P2RX7: variants seen among roughly 807,000 people sequenced by gnomAD.
The protein encoded by P2RX7 is P2X purinoceptor 7.
Under a neutral mutation model 71.6 loss-of-function variants are expected in P2RX7, and 62 were observed. The observed-to-expected ratio is 0.87, with a 90% CI of 0.71 to 1.07. The LOEUF (loss-of-function observed/expected upper bound fraction) is 1.07. P2RX7 is among the 50% of genes least tolerant of loss of function. The probability of loss-of-function intolerance (pLI) is 0.00; values close to 1 mark genes in which losing one functional copy is unlikely to be tolerated. For missense variants in P2RX7, 686 were observed against 748.5 expected (o/e 0.92, Z 0.97); for synonymous variants, 299 against 283.3 (o/e 1.06, Z -0.56).
intron 1 of P2RX7, among the ~76,000 whole-genome samples, chr12:121,144,242 G>T (rs1875650442): frequency 6.6e-6 from 1 of 152,212 alleles, no homozygotes; most frequent in South Asian, 2.1e-4. Context: ...CTGTCGCCCA[G>T]GCTGGAGTGC....
chr12:121,153,885 G>A (rs1878012910), intron 1 of P2RX7, among the ~76,000 whole-genome samples: 1 of 152,142 alleles, frequency 6.6e-6, no homozygotes, highest in Non-Finnish European at 1.5e-5. Flanking sequence ...GGCTCAACAT[G>A]TTGGCAGGAG....
chr12:121,162,172 AGAAAC>A, intron 4 of P2RX7: 1 of 1,205,538 alleles, frequency 8.3e-7, no homozygotes, highest in Non-Finnish European at 1.1e-6. Context: ...TTTCTTATAA[AGAAAC>A]AAAAGAGCCA....
chr12:121,157,815 G>C (rs1410884873), intron 3 of P2RX7, among the ~76,000 whole-genome samples: 1 of 152,200 alleles, frequency 6.6e-6, no homozygotes, highest in Non-Finnish European at 1.5e-5. Context: ...AAATGGGGCT[G>C]AGAACAAAAC....
intron 12 of P2RX7, among the ~76,000 whole-genome samples, chr12:121,182,636 A>G (rs1301003274): frequency 6.6e-6 from 1 of 152,248 alleles, no homozygotes; most frequent in African/African-American, 2.4e-5. Context: ...TGCATAGGGC[A>G]CTTACCATGA....
In P2RX7 at chr12:121,164,286, C is replaced by T. The variant is rs182330517; in HGVS notation, c.534-1071C>T. ...GGTTCGTTTAATCATTCATTCAACA[C>T]ATCCATCACCACGTAGTAGGTGTTA... is the stretch of plus-strand genomic sequence containing the variant. On this transcript the variant is annotated intron_variant, in intron 5 of 12. Transcript: ENST00000328963. 1.2e-4 allele frequency among the ~76,000 whole-genome samples: 19 copies of T among 152,348 alleles called. No homozygotes were observed. In the East Asian group the frequency reaches 1.5e-3, roughly 12 times the overall value.
Position 121,177,163 on chromosome 12 carries a change from T to G in P2RX7, c.989T>G (p.Ile330Ser). The change falls in exon 10 of 13, where the codon ATT (isoleucine) becomes AGT (serine). Residue 330 changes from isoleucine (I) to serine (S), a missense_variant. By Grantham distance (142) the Ile-to-Ser change is moderately radical. Coordinates refer to ENST00000328963, the MANE Select transcript of P2RX7 (RefSeq NM_002562.6). ...LVFGTGGKFDIIQLVVYIGST... is the reference protein window; with the variant it reads ...LVFGTGGKFDSIQLVVYIGST... ...TGTTTTTAGGGAGGAAAATTTGACA[T>G]TATCCAGCTGGTTGTGTACATCGGC... 1 of 1,614,208 alleles carries G rather than the reference T, an allele frequency of 6.2e-7. No individual in the cohort carries two copies. The highest frequency in any genetic ancestry group is 8.5e-7 in the Non-Finnish European group (1 of 1,180,024).
intron 3 of P2RX7, 84 bp downstream of exon 3, chr12:121,156,231 C>T (rs1878553508): frequency 4.5e-6 from 5 of 1,123,502 alleles, no homozygotes; most frequent in Non-Finnish European, 6.8e-6. Context: ...AATGCGGACC[C>T]TGGGGTGTAT....
intron 5 of P2RX7, among the ~76,000 whole-genome samples, chr12:121,165,004 G>C (rs1308820489): frequency 6.6e-6 from 1 of 152,070 alleles, no homozygotes; most frequent in African/African-American, 2.4e-5. Context: ...GATCTCGTGA[G>C]AACTCACTCA....
rs56222751 is a variant in P2RX7, at chr12:121,176,228, AACACACACACACAC to A, written c.972+779_972+792del. Among the ~76,000 whole-genome samples the A allele has an allele frequency of 2.6e-3, 362 of 140,842 alleles. 2 individuals carry two copies. The highest frequency in any genetic ancestry group is 8.8e-3 in the African/African-American group (333 of 37,726). 92.4% of individuals were successfully genotyped at this position (140,842 alleles called of 152,430 possible). On this transcript the variant is annotated intron_variant, in intron 9 of 12. Coordinates refer to ENST00000328963, the MANE Select transcript of P2RX7 (RefSeq NM_002562.6). ...GAGAGGCCAACACCCCAGCCCCTTC[AACACACACACACAC>A]ACACACACACACACACACACACACA...
rs1015389988 is a variant in P2RX7 at position 121,185,919 on chromosome 12, G to C, written c.*1117G>C. 1.3e-5 allele frequency: 2 copies of C among 152,134 alleles called. No homozygotes were observed. Among genetic ancestry groups the C allele is most frequent in the African/African-American group, 4.8e-5 (2 of 41,400 alleles). 9.4% of individuals were successfully genotyped at this position (152,134 alleles called of 1,614,324 possible). ...AAAAATACAAAAATTAGCTGGGCATGGTGCGGGCACCTGTAGTCCTAGCTA... is the reference window on the plus strand; with the variant it reads ...AAAAATACAAAAATTAGCTGGGCATCGTGCGGGCACCTGTAGTCCTAGCTA... On this transcript the variant is annotated 3_prime_UTR_variant, in exon 13 of 13. Coordinates refer to ENST00000328963, the MANE Select transcript of P2RX7 (RefSeq NM_002562.6).
At chr12:121,175,951 C>T (rs1430114869) in intron 9 of P2RX7, among the ~76,000 whole-genome samples, 1 of 152,082 alleles carries the variant, frequency 6.6e-6, no homozygotes, top group Non-Finnish European at 1.5e-5. Context: ...ATACGTCCTC[C>T]TTGGTCTTGG....
intron 1 of P2RX7, among the ~76,000 whole-genome samples, chr12:121,136,462 G>A (rs1873686186): frequency 6.6e-6 from 1 of 151,588 alleles, no homozygotes; most frequent in South Asian, 2.1e-4. Flanking sequence ...GGGACCATAG[G>A]CACACGCCAT....
intron 8 of P2RX7, among the ~76,000 whole-genome samples, chr12:121,173,317 C>T (rs1882529060): frequency 6.6e-6 from 1 of 152,128 alleles, no homozygotes; most frequent in African/African-American, 2.4e-5. Context: ...TCCTGAGTAG[C>T]TGGGATTACA....
chr12:121,145,622 T>C (rs1876005600), intron 1 of P2RX7, among the ~76,000 whole-genome samples: 1 of 151,964 alleles, frequency 6.6e-6, no homozygotes, highest in Non-Finnish European at 1.5e-5. Flanking sequence ...TTCTCCTGCC[T>C]CAGCCTTCCA....
At chr12:121,183,578 A>AC (rs1884483225) in intron 12 of P2RX7, among the ~76,000 whole-genome samples, 1 of 79,876 alleles carries the variant, frequency 1.3e-5, no homozygotes, top group African/African-American at 4.4e-5. Flanking sequence ...CTCAAAAAAA[A>AC]AAAACAACAA....
In P2RX7 at chr12:121,149,746, T is replaced by C. The variant is rs1877005136; in HGVS notation, c.126-5039T>C. ...TCCCAAAATCTTTCCAGCTTTGTTCTTTTTTAGAGACTGGAGTCTCACTGT... is the reference window on the plus strand; with the variant it reads ...TCCCAAAATCTTTCCAGCTTTGTTCCTTTTTAGAGACTGGAGTCTCACTGT... On this transcript the variant is annotated intron_variant, in intron 1 of 12. Coordinates refer to ENST00000328963, the MANE Select transcript of P2RX7 (RefSeq NM_002562.6). This position sits in a 1 kb window ranked among gnomAD's most constrained non-coding sequence, Gnocchi z 4.7. 6.6e-6 allele frequency among the ~76,000 whole-genome samples: 1 copy of C among 152,186 alleles called. No individual in the cohort carries two copies. The highest frequency in any genetic ancestry group is 2.4e-5 in the African/African-American group (1 of 41,448).
intron 3 of P2RX7, among the ~76,000 whole-genome samples, chr12:121,160,181 CTT>C (rs904890671): frequency 6.7e-6 from 1 of 148,462 alleles, no homozygotes; most frequent in African/African-American, 2.5e-5. Context: ...GAGTTTTGCT[CTT>C]GTCACCCAGG....
intron 8 of P2RX7, among the ~76,000 whole-genome samples, chr12:121,173,618 G>C (rs1882580086): frequency 6.6e-6 from 1 of 152,236 alleles, no homozygotes; most frequent in South Asian, 2.1e-4. Context: ...AGAATAAAGG[G>C]TAAAGAATGG....
rs1381960876 is a variant in P2RX7, at chr12:121,175,398, T to C, written c.892T>C (p.Tyr298His). The stretch of plus-strand genomic sequence containing the variant: ...CTTTTCTTCCTACAGATACGCCAAG[T>C]ACTACAAGGAAAACAATGTTGAGAA... Reference protein sequence around the residue: ...YPGYNFRYAKYYKENNVEKRT... With the variant: ...YPGYNFRYAKHYKENNVEKRT... Residue 298 changes from tyrosine to histidine, a missense_variant, in exon 9 of 13, where the codon TAC (tyrosine) becomes CAC (histidine). Tyr to His is a moderately conservative substitution (Grantham distance 83). Transcript: ENST00000328963. 1.9e-6 allele frequency: 3 copies of C among 1,602,198 alleles called. No individual in the cohort carries two copies. The Admixed American group carries it at 5.0e-5, about 27-fold the overall frequency.
Sources: allele counts gnomAD v4.1 joint callset (sites outside exome capture counted in the v4.1 genomes callset), GRCh38; gene constraint gnomAD v4.1.1; non-coding constraint Gnocchi (gnomAD v3.1); transcripts MANE v1.5; gene names NCBI Gene and HGNC (gene_info 2026-07-23, HGNC 2026-07-21).